Variants in LYST observed in about 807,000 individuals in gnomAD.
The protein encoded by LYST is lysosomal-trafficking regulator.
A neutral mutation model predicts 413.6 loss-of-function variants in LYST; 192 were observed. The observed-to-expected ratio is 0.46, with a 90% CI of 0.41 to 0.52. LYST has a LOEUF of 0.52. Among genes scored for constraint, LYST ranks in the 20% least tolerant of loss-of-function variants. The probability of loss-of-function intolerance (pLI) is 0.00; values close to 1 mark genes in which losing one functional copy is unlikely to be tolerated. For synonymous variants in LYST, 1,525 were observed against 1,567.3 expected (o/e 0.97, Z 0.64); for missense variants, 3,815 against 4,499.9 (o/e 0.85, Z 4.35).
At chr1:235,788,527 G>T (rs1479207030) in intron 13 of LYST, among the ~76,000 whole-genome samples, 174 bp downstream of exon 13, 2 of 152,044 alleles carry the variant, frequency 1.3e-5, no homozygotes, top group Non-Finnish European at 2.9e-5. Context: ...TTTTTGGATA[G>T]AATAATACAC....
At chr1:235,856,758 A>C (rs1054045597) in intron 1 of LYST, among the ~76,000 whole-genome samples, 3 of 152,204 alleles carry the variant, frequency 2.0e-5, no homozygotes, top group Non-Finnish European at 1.5e-5. Flanking sequence ...TATCAGTATT[A>C]CTGTCTTTGG....
intron 46 of LYST, among the ~76,000 whole-genome samples, chr1:235,694,588 G>A (rs1314072782): frequency 1.3e-5 from 2 of 152,144 alleles, no homozygotes; most frequent in Non-Finnish European, 2.9e-5. Flanking sequence ...TGAATCAACA[G>A]CATAGTGAAA....
rs1272829827 is a variant in LYST, at chr1:235,686,646, T to C, written c.10800+303A>G. The stretch of plus-strand genomic sequence containing the variant: ...AAACTGATAGACTCTTACAGTATAC[T>C]CCTAAGGATTCAGGTTGCTATCGCA... On this transcript the variant is annotated intron_variant, in intron 48 of 52. Coordinates refer to ENST00000389793, the MANE Select transcript of LYST (RefSeq NM_000081.4). This position sits in a 1 kb window ranked among gnomAD's most constrained non-coding sequence, Gnocchi z 4.0. Among the ~76,000 whole-genome samples, 2 of 152,158 alleles carry C rather than the reference T, an allele frequency of 1.3e-5. No individual in the cohort carries two copies. The highest frequency in any genetic ancestry group is 2.4e-5 in the African/African-American group (1 of 41,436).
chr1:235,739,200 A>T (rs3754233), intron 31 of LYST, among the ~76,000 whole-genome samples: 76,083 of 151,974 alleles, frequency 0.5, 22,471 homozygotes, highest in African/African-American at 0.82. Context: ...GGTAGCTATA[A>T]CTTGTAGTAC....
chr1:235,759,421 T>TGG lies in LYST; in HGVS notation c.6431_6432insCC (p.Lys2145GlnfsTer13). 6.2e-7 allele frequency: 1 copy of TGG among 1,614,146 alleles called. No individual in the cohort carries two copies. Among genetic ancestry groups the TGG allele is most frequent in the Non-Finnish European group, 8.5e-7 (1 of 1,180,006 alleles). On this transcript the variant is annotated frameshift_variant, in exon 23 of 53. Transcript: ENST00000389793. LOFTEE classifies it high-confidence loss of function. ...AACTCCCCAAAGAATTTTGTTTCTT[T>TGG]GATTGGGTGGCAACATAAGTATCTG...
At chr1:235,715,093 TTTGA>T in intron 42 of LYST, 104 bp downstream of exon 42, 1 of 1,027,808 alleles carries the variant, frequency 9.7e-7, no homozygotes, top group Non-Finnish European at 1.5e-6. Context: ...TTTCCTGTAG[TTTGA>T]TTAGTCTTAA....
intron 3 of LYST, among the ~76,000 whole-genome samples, chr1:235,815,686 C>T (rs1451358457): frequency 6.6e-6 from 1 of 152,134 alleles, no homozygotes; most frequent in Non-Finnish European, 1.5e-5. Context: ...TCATTCACAA[C>T]AGTCACAGAA....
rs1014976526 is a variant in LYST, at chr1:235,661,414, G to T, written c.*1526C>A. The T allele has an allele frequency of 6.6e-6, 1 of 152,304 alleles. No homozygotes were observed. Among genetic ancestry groups the T allele is most frequent in the Non-Finnish European group, 1.5e-5 (1 of 68,032 alleles). The allele number at this position is 152,304 out of a possible 1,614,324, so 9.4% of individuals were successfully genotyped here. ...TGTTAACAAAGCAAATCACTTCAAC[G>T]TGAATAGGAGTAATCTCATCTCTGC... is the stretch of plus-strand genomic sequence containing the variant. On this transcript the variant is annotated 3_prime_UTR_variant, in exon 53 of 53. Coordinates refer to ENST00000389793, the MANE Select transcript of LYST (RefSeq NM_000081.4).
At chr1:235,796,843 T>A (rs998084171) in intron 10 of LYST, among the ~76,000 whole-genome samples, 9 of 152,172 alleles carry the variant, frequency 5.9e-5, no homozygotes, top group African/African-American at 2.2e-4. Flanking sequence ...TTCCATTATA[T>A]CAGCACAAAT....
At chr1:235,849,495 T>C (rs1678275034) in intron 1 of LYST, among the ~76,000 whole-genome samples, 2 of 151,932 alleles carry the variant, frequency 1.3e-5, no homozygotes, top group Non-Finnish European at 2.9e-5. Flanking sequence ...CCCTTCAACA[T>C]AGTACTGGAA....
In LYST at chr1:235,759,192, C is replaced by A; in HGVS notation, c.6661G>T (p.Glu2221Ter). ...TAATCAGGTCGGCGTGGGCAGGACT[C>A]ATCCCCAGGACTGTCATCTTCTGAC... The part of the protein sequence containing the change: ...PRSEDDSPGD[E>*]SCPRRPDYLK... The change falls in exon 23 of 53, where the codon GAG becomes TAG. Residue 2221 changes from glutamate (E) to a stop codon, truncating the protein, a stop_gained. Transcript: ENST00000389793. LOFTEE classifies it high-confidence loss of function. 6.2e-7 allele frequency: 1 copy of A among 1,614,132 alleles called. No homozygotes were observed. Among genetic ancestry groups the A allele is most frequent in the Non-Finnish European group, 8.5e-7 (1 of 1,180,026 alleles).
chr1:235,761,393 A>T (rs1274842890), intron 22 of LYST, among the ~76,000 whole-genome samples: 1 of 152,230 alleles, frequency 6.6e-6, no homozygotes, highest in Non-Finnish European at 1.5e-5. Flanking sequence ...GTCAGTTTGC[A>T]ACTAGAAAAC....
chr1:235,880,914 T>C (rs922617340), intron 1 of LYST, among the ~76,000 whole-genome samples: 42 of 151,994 alleles, frequency 2.8e-4, no homozygotes, highest in African/African-American at 1.0e-3. Flanking sequence ...TCGCCAGAGG[T>C]CCGGAGTTCA....
chr1:235,789,422 G>C (rs1670771694), intron 12 of LYST, among the ~76,000 whole-genome samples: 1 of 152,160 alleles, frequency 6.6e-6, no homozygotes, highest in Non-Finnish European at 1.5e-5. Flanking sequence ...AATGCTTACA[G>C]GCTTGGGCTA....
chr1:235,734,704 C>A, intron 31 of LYST, 45 bp from the exon 32 acceptor site: 1 of 1,336,148 alleles, frequency 7.5e-7, no homozygotes, highest in South Asian at 1.3e-5. Flanking sequence ...AATTTTAATT[C>A]TTACATTTAA....
At chr1:235,801,885 C>T (rs1196851715) in intron 8 of LYST, among the ~76,000 whole-genome samples, 1 of 152,110 alleles carries the variant, frequency 6.6e-6, no homozygotes, top group African/African-American at 2.4e-5. Context: ...GGAAGATATC[C>T]TACTGAGAAC....
chr1:235,715,059 G>A, intron 42 of LYST, 142 bp downstream of exon 42: 2 of 785,140 alleles, frequency 2.5e-6, no homozygotes, highest in Non-Finnish European at 4.2e-6. Context: ...GGAGCACTTT[G>A]GGCAAGGAAT....
In LYST at chr1:235,731,192, A is replaced by G. The variant is rs774762663; in HGVS notation, c.8802-15T>C. The G allele has an allele frequency of 6.2e-7, 1 of 1,613,650 alleles. No individual in the cohort carries two copies. The highest frequency in any genetic ancestry group is 8.5e-7 in the Non-Finnish European group (1 of 1,179,658). Reference sequence around the variant, plus strand: ...ACCATACTGCTCTGCAAGTAAAAAGATTAAAGGGTGTTTTAAGTGACCATC... The same window carrying G: ...ACCATACTGCTCTGCAAGTAAAAAGGTTAAAGGGTGTTTTAAGTGACCATC... On this transcript the variant is annotated splice_polypyrimidine_tract_variant and intron_variant, in intron 34 of 52. Transcript: ENST00000389793.
At chr1:235,791,156 G>C (rs149903470) in intron 12 of LYST, among the ~76,000 whole-genome samples, 23 of 152,136 alleles carry the variant, frequency 1.5e-4, no homozygotes, top group African/African-American at 5.5e-4. Flanking sequence ...GATTGCTGGC[G>C]CCTGAATCCC....
Sources: allele counts gnomAD v4.1 joint callset (sites outside exome capture counted in the v4.1 genomes callset), GRCh38; gene constraint gnomAD v4.1.1; non-coding constraint Gnocchi (gnomAD v3.1); transcripts MANE v1.5; gene names NCBI Gene and HGNC (gene_info 2026-07-23, HGNC 2026-07-21).